Variants in ANTXR1 observed in about 807,000 individuals in gnomAD.
The protein encoded by ANTXR1 is ANTXR cell adhesion molecule 1.
A neutral mutation model predicts 78.1 loss-of-function variants in ANTXR1; 19 were observed. The ratio of observed to expected loss-of-function variants is 0.24; its 90% CI spans 0.17 to 0.36. The LOEUF (loss-of-function observed/expected upper bound fraction) is 0.36, where lower values mean the gene tolerates loss of function less well. ANTXR1 is among the 10% of genes least tolerant of loss of function. The probability of loss-of-function intolerance (pLI) is 1.00; values close to 1 mark genes in which losing one functional copy is unlikely to be tolerated. For synonymous variants in ANTXR1, 273 were observed against 260.5 expected (o/e 1.05, Z -0.46); for missense variants, 518 against 718.6 (o/e 0.72, Z 3.19).
chr2:69,207,420 G>C lies in ANTXR1; in HGVS notation c.1434+14005G>C, dbSNP rs549062263. On this transcript the variant is annotated intron_variant, in intron 17 of 17. Transcript: ENST00000303714. Reference sequence around the variant, plus strand: ...CCCAGAAATACCAACATTAGAATGGGGGATGTGATTTGACTTTTTGTGAGT... The same window carrying C: ...CCCAGAAATACCAACATTAGAATGGCGGATGTGATTTGACTTTTTGTGAGT... Among the ~76,000 whole-genome samples, 148 of 152,290 alleles carry C rather than the reference G, an allele frequency of 9.7e-4. 1 individual carries two copies. The highest frequency in any genetic ancestry group is 3.5e-3 in the African/African-American group (144 of 41,558).
At chr2:69,065,871 C>T (rs1670384382) in intron 3 of ANTXR1, among the ~76,000 whole-genome samples, 1 of 152,184 alleles carries the variant, frequency 6.6e-6, no homozygotes, top group Admixed American at 6.5e-5. Flanking sequence ...GCCATAAGGC[C>T]ATCTGGGAAT....
At chr2:69,228,822 A>G (rs1204287455) in intron 17 of ANTXR1, among the ~76,000 whole-genome samples, 2 of 152,150 alleles carry the variant, frequency 1.3e-5, no homozygotes, top group South Asian at 2.1e-4. Context: ...GCAGACACCT[A>G]CCCATTTAGG....
chr2:69,225,006 G>A (rs903670711), intron 17 of ANTXR1, among the ~76,000 whole-genome samples: 69 of 151,908 alleles, frequency 4.5e-4, no homozygotes, highest in African/African-American at 1.5e-3. Flanking sequence ...CCCAGCCTAT[G>A]TGAATGAGCT....
chr2:69,149,235 G>GC (rs57070910), intron 12 of ANTXR1, among the ~76,000 whole-genome samples: 1 of 152,052 alleles, frequency 6.6e-6, no homozygotes, highest in African/African-American at 2.4e-5. Flanking sequence ...CCCTTCCTGA[G>GC]CCCCCCGGCT....
intron 17 of ANTXR1, among the ~76,000 whole-genome samples, chr2:69,200,524 G>T (rs1194661629): frequency 6.6e-6 from 1 of 152,200 alleles, no homozygotes; most frequent in South Asian, 2.1e-4. Flanking sequence ...CTGCACTCTT[G>T]CATTCTCTCT....
At chr2:69,016,195 C>G (rs370731328) in intron 1 of ANTXR1, among the ~76,000 whole-genome samples, 17 of 152,234 alleles carry the variant, frequency 1.1e-4, no homozygotes, top group Admixed American at 1.0e-3. Flanking sequence ...ATATGTGACT[C>G]GAGCACTTGA....
intron 3 of ANTXR1, among the ~76,000 whole-genome samples, chr2:69,068,632 GA>G: frequency 6.6e-6 from 1 of 152,230 alleles, no homozygotes; most frequent in East Asian, 1.9e-4. Context: ...ATAGGCACTG[GA>G]AGGTCATGAA....
intron 4 of ANTXR1, among the ~76,000 whole-genome samples, chr2:69,071,456 A>G (rs1156544490): frequency 2.0e-5 from 3 of 152,258 alleles, no homozygotes; most frequent in Non-Finnish European, 2.9e-5. Context: ...CACAGCTACG[A>G]TGTCACTAGG....
At chr2:69,216,330 G>A (rs1345567424) in intron 17 of ANTXR1, among the ~76,000 whole-genome samples, 1 of 152,092 alleles carries the variant, frequency 6.6e-6, no homozygotes, top group African/African-American at 2.4e-5. Context: ...TAGATAGGTG[G>A]TTTTAGGTGG....
At chr2:69,186,383 G>A (rs939354044) in intron 16 of ANTXR1, among the ~76,000 whole-genome samples, 5 of 152,214 alleles carry the variant, frequency 3.3e-5, no homozygotes, top group Non-Finnish European at 5.9e-5. Flanking sequence ...AATGAGTCCC[G>A]TGCTAGCCAC....
At chr2:69,221,354 T>C (rs1422380555) in intron 17 of ANTXR1, among the ~76,000 whole-genome samples, 2 of 152,222 alleles carry the variant, frequency 1.3e-5, no homozygotes, top group Non-Finnish European at 2.9e-5. Flanking sequence ...GCTCATATAC[T>C]GATACAAAAG....
chr2:69,132,236 G>A (rs147470636), intron 12 of ANTXR1, among the ~76,000 whole-genome samples: 1 of 152,346 alleles, frequency 6.6e-6, no homozygotes, highest in Non-Finnish European at 1.5e-5. Flanking sequence ...TGCACAGTCT[G>A]CTTTAGTGAG....
chr2:69,107,256 T>C (rs1174883595), intron 10 of ANTXR1, among the ~76,000 whole-genome samples: 1 of 152,178 alleles, frequency 6.6e-6, no homozygotes, highest in East Asian at 1.9e-4. Flanking sequence ...GTGGTTTTTT[T>C]TGAGACAGGG....
At chr2:69,027,358 G>A (rs978102801) in intron 1 of ANTXR1, among the ~76,000 whole-genome samples, 1 of 152,178 alleles carries the variant, frequency 6.6e-6, no homozygotes, top group African/African-American at 2.4e-5. Flanking sequence ...ATGAGGCCAG[G>A]TATAGCACAA....
At position 69,128,087 on chromosome 2, in the gene ANTXR1, G is replaced by C. The variant is rs191115267; in HGVS notation, c.951+3444G>C. 7.5e-3 allele frequency among the ~76,000 whole-genome samples: 1,145 copies of C among 152,222 alleles called. 18 individuals are homozygous for C. The highest frequency in any genetic ancestry group is 0.026 in the African/African-American group (1,081 of 41,520). Reference sequence around the variant, plus strand: ...TAAAATACAAAAATTAGCCTGGCATGGTGGCACATGCCTGTAGTCCCAGCT... The same window carrying C: ...TAAAATACAAAAATTAGCCTGGCATCGTGGCACATGCCTGTAGTCCCAGCT... On this transcript the variant is annotated intron_variant, in intron 12 of 17. Transcript: ENST00000303714.
intron 17 of ANTXR1, among the ~76,000 whole-genome samples, chr2:69,239,497 A>T (rs1382628673): frequency 6.6e-6 from 1 of 152,192 alleles, no homozygotes; most frequent in African/African-American, 2.4e-5. Context: ...GCTTGAACCC[A>T]GGAGGCAGAG....
intron 3 of ANTXR1, among the ~76,000 whole-genome samples, chr2:69,067,862 C>T (rs1172705891): frequency 6.6e-6 from 1 of 152,216 alleles, no homozygotes; most frequent in African/African-American, 2.4e-5. Flanking sequence ...TCTTTATTCT[C>T]CAGGATATAT....
At chr2:69,132,288 G>A (rs984968177) in intron 12 of ANTXR1, among the ~76,000 whole-genome samples, 1 of 152,210 alleles carries the variant, frequency 6.6e-6, no homozygotes, top group East Asian at 1.9e-4. Flanking sequence ...AGAGATAGAG[G>A]CCACAGTGAC....
intron 12 of ANTXR1, chr2:69,134,955 ATTT>A (rs1286202028): frequency 3.0e-6 from 1 of 330,642 alleles, no homozygotes; most frequent in Non-Finnish European, 6.4e-6. Context: ...ATGTCCCAGT[ATTT>A]TTATTATTAT....
Sources: allele counts gnomAD v4.1 joint callset (sites outside exome capture counted in the v4.1 genomes callset), GRCh38; gene constraint gnomAD v4.1.1; transcripts MANE v1.5; gene names NCBI Gene and HGNC (gene_info 2026-07-23, HGNC 2026-07-21).